Variants in DISC1 observed in about 807,000 individuals in gnomAD.
DISC1 encodes disrupted in schizophrenia 1 protein.
DISC1 carries 57 observed loss-of-function variants against 84.5 expected under a neutral mutation model. The ratio of observed to expected loss-of-function variants is 0.67; its 90% CI spans 0.55 to 0.84. The LOEUF is 0.84. Ranked by LOEUF, DISC1 falls within the 40% of genes least tolerant of loss-of-function variation. The probability of loss-of-function intolerance (pLI) is 0.00; values close to 1 mark genes in which losing one functional copy is unlikely to be tolerated. For missense variants in DISC1, 1,000 were observed against 1,057.8 expected (o/e 0.95, Z 0.76); for synonymous variants, 411 against 415.2 (o/e 0.99, Z 0.12).
At chr1:231,865,759 A>G (rs12058141) in intron 9 of DISC1, among the ~76,000 whole-genome samples, 1 of 152,230 alleles carries the variant, frequency 6.6e-6, no homozygotes. Context: ...GAAACAGTAC[A>G]TGAGAGAAGT....
chr1:231,956,174 C>T (rs1659465621), intron 9 of DISC1, among the ~76,000 whole-genome samples: 1 of 152,202 alleles, frequency 6.6e-6, no homozygotes. Flanking sequence ...AGTTTATCAC[C>T]ATTAGATCAT....
chr1:231,989,546 G>A (rs544376269), intron 10 of DISC1, among the ~76,000 whole-genome samples: 4 of 152,198 alleles, frequency 2.6e-5, no homozygotes, highest in East Asian at 1.9e-4. Context: ...ATTTTGCTAC[G>A]AAGGAAAGAA....
rs892390605 is a variant in DISC1 at position 231,626,832 on chromosome 1, G to A, written c.-36G>A. 2 of 1,419,328 alleles carry A rather than the reference G, an allele frequency of 1.4e-6. No homozygotes were observed. The highest frequency in any genetic ancestry group is 1.5e-5 in the African/African-American group (1 of 65,902). 87.9% of individuals were successfully genotyped at this position (1,419,328 alleles called of 1,614,324 possible). The stretch of plus-strand genomic sequence containing the variant: ...GGCCTCGGGGAAGGAGCAGGAGGCA[G>A]CCCAGGCGGAGCGGGAGGAGCTGGC... On this transcript the variant is annotated 5_prime_UTR_variant, in exon 1 of 13. Coordinates refer to ENST00000439617, the MANE Select transcript of DISC1 (RefSeq NM_018662.3).
chr1:231,735,224 A>G (rs1031681274), intron 3 of DISC1, among the ~76,000 whole-genome samples: 1 of 152,218 alleles, frequency 6.6e-6, no homozygotes, highest in Non-Finnish European at 1.5e-5. Context: ...CATATTTTGT[A>G]TCCTGATTTA....
intron 6 of DISC1, 46 bp downstream of exon 6, chr1:231,771,116 C>T: frequency 6.6e-7 from 1 of 1,518,238 alleles, no homozygotes; most frequent in Non-Finnish European, 8.9e-7. Flanking sequence ...GCCTCTTTGA[C>T]CTGTTCATTG....
chr1:231,863,220 C>CTTTTTTT lies in DISC1; in HGVS notation c.1981+44729_1981+44735dup, dbSNP rs533463099. On this transcript the variant is annotated intron_variant, in intron 9 of 12. Transcript: ENST00000439617. Reference sequence around the variant, plus strand: ...TGATTGACATAGTTTATAAAATGTTCTTTTTTTTTTTTTTTTTTTTTTTTT... The same window carrying CTTTTTTT: ...TGATTGACATAGTTTATAAAATGTTCTTTTTTTTTTTTTTTTTTTTTTTTTTTTTTTT... Among the ~76,000 whole-genome samples, 66 of 54,774 alleles carry CTTTTTTT rather than the reference C, an allele frequency of 1.2e-3. 8 individuals carry two copies. The highest frequency in any genetic ancestry group is 3.6e-3 in the African/African-American group (47 of 13,182). 35.9% of individuals were successfully genotyped at this position (54,774 alleles called of 152,430 possible).
intron 4 of DISC1, among the ~76,000 whole-genome samples, chr1:231,758,629 G>T (rs2075365709): frequency 6.6e-6 from 1 of 152,084 alleles, no homozygotes; most frequent in African/African-American, 2.4e-5. Flanking sequence ...TCCAACTCTG[G>T]AGCAACAGGA....
At chr1:231,644,524 A>G (rs2059975023) in intron 1 of DISC1, among the ~76,000 whole-genome samples, 1 of 152,174 alleles carries the variant, frequency 6.6e-6, no homozygotes, top group Non-Finnish European at 1.5e-5. Flanking sequence ...CAGTTGCTGT[A>G]GTGATAGTAA....
intron 6 of DISC1, chr1:231,771,623 AC>A: frequency 4.1e-6 from 4 of 983,416 alleles, no homozygotes; most frequent in Non-Finnish European, 4.8e-6. Context: ...GTGAGGAAAA[AC>A]GTTTAAGAAG....
intron 1 of DISC1, among the ~76,000 whole-genome samples, chr1:231,643,865 GC>G (rs1272500310): frequency 6.6e-6 from 1 of 152,144 alleles, no homozygotes; most frequent in Non-Finnish European, 1.5e-5. Context: ...GGTGAATGGA[GC>G]CCTGGTGCTG....
chr1:231,925,546 T>G (rs1469041858), intron 9 of DISC1, among the ~76,000 whole-genome samples: 1 of 152,182 alleles, frequency 6.6e-6, no homozygotes, highest in Non-Finnish European at 1.5e-5. Flanking sequence ...TGCCTCCTAT[T>G]AAGCCTGTAA....
intron 9 of DISC1, chr1:231,818,869 T>C: frequency 9.2e-7 from 1 of 1,092,088 alleles, no homozygotes. Flanking sequence ...CTCCGTCTCC[T>C]TGTCTGCACA....
At chr1:231,824,249 A>C (rs1218993928) in intron 9 of DISC1, among the ~76,000 whole-genome samples, 1 of 152,180 alleles carries the variant, frequency 6.6e-6, no homozygotes, top group Non-Finnish European at 1.5e-5. Flanking sequence ...GCTATGTGGC[A>C]AGAAATGTAG....
Position 231,882,347 on chromosome 1 carries a change from G to A in DISC1, c.1981+63830G>A, listed in dbSNP as rs571103813. Among the ~76,000 whole-genome samples the A allele has an allele frequency of 3.3e-5, 5 of 152,216 alleles. 1 individual carries two copies. The East Asian group carries it at 9.7e-4, about 29-fold the overall frequency. ...TGTTTTCTGTCACCTCAAATGAGGTGATCTCCAGAATCCCCTCAATCCTGT... is the reference window on the plus strand; with the variant it reads ...TGTTTTCTGTCACCTCAAATGAGGTAATCTCCAGAATCCCCTCAATCCTGT... On this transcript the variant is annotated intron_variant, in intron 9 of 12. Coordinates refer to ENST00000439617, the MANE Select transcript of DISC1 (RefSeq NM_018662.3).
intron 9 of DISC1, among the ~76,000 whole-genome samples, chr1:231,824,333 A>T (rs1555528): frequency 0.62 from 93,543 of 151,978 alleles, 29,026 homozygotes; most frequent in East Asian, 0.8. Context: ...TTTAAAAAAA[A>T]ATGTCAAATA....
intron 8 of DISC1, among the ~76,000 whole-genome samples, chr1:231,811,137 A>G (rs1042260919): frequency 3.9e-5 from 6 of 152,196 alleles, no homozygotes; most frequent in Non-Finnish European, 7.3e-5. Flanking sequence ...GAAATGTTTG[A>G]TGTGCAAAGC....
chr1:232,012,814 C>G (rs1254480573), intron 11 of DISC1, among the ~76,000 whole-genome samples: 2 of 152,186 alleles, frequency 1.3e-5, no homozygotes, highest in Non-Finnish European at 2.9e-5. Context: ...CACCATTCCC[C>G]CATTTTACAG....
chr1:231,879,090 A>AT (rs547628120), intron 9 of DISC1, among the ~76,000 whole-genome samples: 3,420 of 138,154 alleles, frequency 0.025, 37 homozygotes, highest in African/African-American at 0.039. Flanking sequence ...AGTGTTTCCG[A>AT]TTTTTTTTTT....
At chr1:231,706,358 G>A (rs907563306) in intron 3 of DISC1, among the ~76,000 whole-genome samples, 32 of 152,170 alleles carry the variant, frequency 2.1e-4, no homozygotes, top group African/African-American at 7.7e-4. Flanking sequence ...TCTGACATGG[G>A]TGGGGCAGAG....
Sources: gnomAD v4.1 joint callset for allele counts (sites outside exome capture counted in the v4.1 genomes callset) on GRCh38, gnomAD v4.1.1 for gene constraint, MANE v1.5 for transcripts, NCBI Gene and HGNC (gene_info 2026-07-23, HGNC 2026-07-21) for gene names.